Variants in ADGRB3 observed in about 807,000 individuals in gnomAD.
ADGRB3 encodes brain-specific angiogenesis inhibitor 3.
ADGRB3 carries 37 observed loss-of-function variants against 193.4 expected under a neutral mutation model. The ratio of observed to expected loss-of-function variants is 0.19; its 90% CI spans 0.15 to 0.25. The LOEUF is 0.25. ADGRB3 is among the 10% of genes least tolerant of loss of function. ADGRB3 has a pLI of 1.00. For synonymous variants in ADGRB3, 690 were observed against 644.2 expected, an observed-to-expected ratio of 1.07 and a Z score of -1.08; for missense variants, 1,637 against 1,852.9, an observed-to-expected ratio of 0.88 and a Z score of 2.14.
chr6:69,249,810 T>G (rs985766080), intron 20 of ADGRB3, among the ~76,000 whole-genome samples: 2 of 152,236 alleles, frequency 1.3e-5, no homozygotes, highest in African/African-American at 4.8e-5. Flanking sequence ...TCTTTTGTGG[T>G]AGCTAGTCAG....
intron 20 of ADGRB3, among the ~76,000 whole-genome samples, chr6:69,276,473 G>A (rs1250417280): frequency 1.3e-5 from 2 of 152,146 alleles, no homozygotes; most frequent in African/African-American, 4.8e-5. Flanking sequence ...CAGGGCAGGT[G>A]GGGAGGAAGG....
intron 17 of ADGRB3, among the ~76,000 whole-genome samples, chr6:69,217,760 G>A (rs559901972): frequency 7.2e-5 from 11 of 152,250 alleles, no homozygotes; most frequent in African/African-American, 2.6e-4. Flanking sequence ...TCTCTTCACA[G>A]CCCCTTTGGC....
intron 8 of ADGRB3, among the ~76,000 whole-genome samples, chr6:68,964,227 AAT>A (rs1474693936): frequency 1.3e-5 from 2 of 152,122 alleles, no homozygotes; most frequent in African/African-American, 4.8e-5. Flanking sequence ...AGGTAGGAAA[AAT>A]ATATGTTTCT....
rs117555574 is a variant in ADGRB3, at chr6:68,839,244, C to T, written c.758-91315C>T. On this transcript the variant is annotated intron_variant, in intron 3 of 31. Transcript: ENST00000370598. The stretch of plus-strand genomic sequence containing the variant: ...CATCTTCTCTTAGGAATTGCAACAA[C>T]ATCTAGCTTCTCACAAAATCAGGTA... Among the ~76,000 whole-genome samples the T allele has an allele frequency of 3.6e-3, 546 of 152,300 alleles. 2 individuals are homozygous for T. Among genetic ancestry groups the T allele is most frequent in the Non-Finnish European group, 5.6e-3 (378 of 68,040 alleles).
At chr6:69,084,191 A>G (rs1772482041) in intron 17 of ADGRB3, among the ~76,000 whole-genome samples, 1 of 152,078 alleles carries the variant, frequency 6.6e-6, no homozygotes, top group Non-Finnish European at 1.5e-5. Context: ...CCCCACGGTG[A>G]TTGTTATCCC....
chr6:69,321,375 A>T (rs1273458231), intron 20 of ADGRB3, among the ~76,000 whole-genome samples: 1 of 151,826 alleles, frequency 6.6e-6, no homozygotes, highest in East Asian at 1.9e-4. Context: ...TGAATGATGA[A>T]CTTGAAATGC....
chr6:69,097,717 T>C (rs1582458400), intron 17 of ADGRB3, among the ~76,000 whole-genome samples: 2 of 152,116 alleles, frequency 1.3e-5, no homozygotes, highest in South Asian at 4.1e-4. Flanking sequence ...TGTGTGTGTA[T>C]ATATGGCTAT....
intron 27 of ADGRB3, 102 bp from the exon 28 acceptor site, chr6:69,355,719 T>A (rs906076688): frequency 4.3e-6 from 4 of 940,930 alleles, no homozygotes; most frequent in Non-Finnish European, 6.6e-6. Flanking sequence ...AAACTTGTAC[T>A]GCCAAGTTAG....
chr6:69,233,198 G>A lies in ADGRB3; in HGVS notation c.2481-92G>A, dbSNP rs776565907. The A allele has an allele frequency of 5.3e-6, 8 of 1,499,196 alleles. No individual in the cohort carries two copies. In the African/African-American group the frequency reaches 1.1e-4, roughly 21 times the overall value. 92.9% of individuals were successfully genotyped at this position (1,499,196 alleles called of 1,614,324 possible). On this transcript the variant is annotated intron_variant, in intron 17 of 31. Transcript: ENST00000370598. ...TTCCTGTACAGGAATTACAGTAGAC[G>A]ACTCTCTCAATTAAACTGCATTTTC...
intron 20 of ADGRB3, among the ~76,000 whole-genome samples, chr6:69,266,266 A>G (rs1767037976): frequency 6.6e-6 from 1 of 151,968 alleles, no homozygotes; most frequent in Non-Finnish European, 1.5e-5. Flanking sequence ...ATTATCTCTT[A>G]TTGACAGTAA....
At chr6:68,869,729 C>T (rs1409461150) in intron 3 of ADGRB3, among the ~76,000 whole-genome samples, 8 of 141,258 alleles carry the variant, frequency 5.7e-5, no homozygotes, top group Admixed American at 5.5e-4. Context: ...TGCATACATA[C>T]ATAACTTTGA....
In ADGRB3 at chr6:69,339,599, A is replaced by T. The variant is rs933887937; in HGVS notation, c.3459+95A>T. The T allele has an allele frequency of 2.2e-6, 3 of 1,384,368 alleles. No individual in the cohort carries two copies. In the African/African-American group the frequency reaches 4.3e-5, roughly 20 times the overall value. The allele number at this position is 1,384,368 out of a possible 1,614,324, so 85.8% of individuals were successfully genotyped here. A position where few individuals can be genotyped will look rare whatever the true frequency, so the allele number is the denominator to read the frequency against. The stretch of plus-strand genomic sequence containing the variant: ...TTTTAATATCTTGATGTTCAGATTA[A>T]AGCTGGTCTCCTCCATTGACAATCA... On this transcript the variant is annotated intron_variant, in intron 26 of 31. Transcript: ENST00000370598.
At chr6:68,654,013 G>A (rs938609377) in intron 3 of ADGRB3, among the ~76,000 whole-genome samples, 7 of 151,760 alleles carry the variant, frequency 4.6e-5, no homozygotes, top group Non-Finnish European at 8.8e-5. Flanking sequence ...TAATTTGCAC[G>A]GAATCTGTTA....
intron 13 of ADGRB3, among the ~76,000 whole-genome samples, chr6:69,043,321 A>AAAGAAAGAAAGAAAGGAAGG (rs1562134810): frequency 5.8e-5 from 3 of 51,928 alleles, no homozygotes; most frequent in Non-Finnish European, 1.5e-4. Context: ...AGAAAGAAAG[A>AAAGAAAGAAAGAAAGGAAGG]AAGAAAGAAA....
chr6:68,735,434 T>A (rs1031196766), intron 3 of ADGRB3, among the ~76,000 whole-genome samples: 1 of 151,970 alleles, frequency 6.6e-6, no homozygotes, highest in Non-Finnish European at 1.5e-5. Context: ...ATATGATAGA[T>A]AAGAATATAG....
intron 3 of ADGRB3, among the ~76,000 whole-genome samples, chr6:68,694,863 A>G (rs1765131874): frequency 6.6e-6 from 1 of 152,018 alleles, no homozygotes; most frequent in African/African-American, 2.4e-5. Context: ...TCTCCCAAGC[A>G]TTGTGGTTAA....
At chr6:69,321,731 G>A (rs1439163440) in intron 20 of ADGRB3, among the ~76,000 whole-genome samples, 1 of 151,800 alleles carries the variant, frequency 6.6e-6, no homozygotes, top group African/African-American at 2.4e-5. Flanking sequence ...TGTGTCATTT[G>A]TGGAAAATAA....
chr6:68,851,525 A>T (rs1768402501), intron 3 of ADGRB3, among the ~76,000 whole-genome samples: 1 of 151,936 alleles, frequency 6.6e-6, no homozygotes, highest in African/African-American at 2.4e-5. Flanking sequence ...AATGATCATT[A>T]CATTATTGAG....
At chr6:69,145,239 G>T (rs1482890389) in intron 17 of ADGRB3, among the ~76,000 whole-genome samples, 2 of 152,302 alleles carry the variant, frequency 1.3e-5, no homozygotes, top group Non-Finnish European at 2.9e-5. Context: ...ATGGGGTCTG[G>T]TTACTGTGCA....
Sources: allele counts gnomAD v4.1 joint callset (sites outside exome capture counted in the v4.1 genomes callset), GRCh38; gene constraint gnomAD v4.1.1; transcripts MANE v1.5; gene names NCBI Gene and HGNC (gene_info 2026-07-23, HGNC 2026-07-21).